The following SLC9B1 variants were observed in gnomAD, a reference collection of about 807,000 sequenced individuals.
SLC9B1 encodes the protein sodium/hydrogen exchanger 9B1.
Under a neutral mutation model 51.7 loss-of-function variants are expected in SLC9B1, and 32 were observed. That is an observed-to-expected ratio of 0.62 (90% CI 0.47 to 0.83). The LOEUF (loss-of-function observed/expected upper bound fraction) is 0.83. Among genes scored for constraint, SLC9B1 ranks in the 40% least tolerant of loss-of-function variants. SLC9B1 has a pLI of 0.00. For synonymous variants in SLC9B1, 145 were observed against 212.7 expected, an observed-to-expected ratio of 0.68 and a Z score of 2.77; for missense variants, 406 against 613.2, an observed-to-expected ratio of 0.66 and a Z score of 3.57.
chr4:103,002,200 C>A (rs921307337), intron 1 of SLC9B1, among the ~76,000 whole-genome samples: 27 of 152,156 alleles, frequency 1.8e-4, no homozygotes, highest in African/African-American at 6.5e-4. Context: ...AGGCCCAAAC[C>A]ATATCAGGCA....
intron 3 of SLC9B1, among the ~76,000 whole-genome samples, chr4:102,974,993 G>C (rs1179045904): frequency 6.6e-6 from 1 of 152,034 alleles, no homozygotes; most frequent in African/African-American, 2.4e-5. Flanking sequence ...TGCCCAAGCA[G>C]CTTTTATTTT....
chr4:102,905,721 G>A lies in SLC9B1; in HGVS notation c.1196-71C>T, dbSNP rs749553972. On this transcript the variant is annotated intron_variant, in intron 10 of 11. Coordinates refer to ENST00000296422, the MANE Select transcript of SLC9B1 (RefSeq NM_139173.4). ...AAGTGTTCTTCATGCCCAGGAATAT[G>A]ATTTCTAAAACTTTTGAAAACATTT... The A allele has an allele frequency of 3.4e-6, 5 of 1,466,336 alleles. No homozygotes were observed. The South Asian group carries it at 6.1e-5, about 18-fold the overall frequency. The allele number at this position is 1,466,336 out of a possible 1,614,324, so 90.8% of individuals were successfully genotyped here.
At chr4:102,943,423 T>C (rs1378194420) in intron 6 of SLC9B1, among the ~76,000 whole-genome samples, 3 of 151,988 alleles carry the variant, frequency 2.0e-5, no homozygotes, top group Non-Finnish European at 4.4e-5. Context: ...AATACGGAAC[T>C]AGCTCAAATG....
At chr4:102,978,737 A>G (rs993010364) in intron 3 of SLC9B1, among the ~76,000 whole-genome samples, 14 of 152,242 alleles carry the variant, frequency 9.2e-5, no homozygotes, top group African/African-American at 2.7e-4. Context: ...TAGTTCAACC[A>G]TTATGGAAGT....
In SLC9B1 at chr4:102,986,497, C is replaced by A. The variant is rs140023975; in HGVS notation, c.211+3303G>T. On this transcript the variant is annotated intron_variant, in intron 3 of 11. Transcript: ENST00000296422. ...TTGGTCTTTTCTGGGCTTCCAGAATCTGTGACTTGGTGCTTGACATTCATT... is the reference window on the plus strand; with the variant it reads ...TTGGTCTTTTCTGGGCTTCCAGAATATGTGACTTGGTGCTTGACATTCATT... 2.7e-3 allele frequency among the ~76,000 whole-genome samples: 418 copies of A among 152,248 alleles called. 6 individuals are homozygous for A. Among genetic ancestry groups the A allele is most frequent in the Middle Eastern group, 3.4e-3 (1 of 294 alleles).
chr4:102,955,690 G>T (rs1737749191), intron 3 of SLC9B1, among the ~76,000 whole-genome samples: 1 of 151,606 alleles, frequency 6.6e-6, no homozygotes, highest in African/African-American at 2.4e-5. Context: ...AGATCCTGAG[G>T]GTCAATAGGT....
At chr4:103,019,215 C>T (rs1308684246) in intron 1 of SLC9B1, among the ~76,000 whole-genome samples, 1 of 152,080 alleles carries the variant, frequency 6.6e-6, no homozygotes, top group Non-Finnish European at 1.5e-5. Context: ...AATCTCCAGT[C>T]GCAGGAGCAT....
downstream of SLC9B1, chr4:102,898,336 T>C: frequency 3.5e-6 from 1 of 286,276 alleles, no homozygotes; most frequent in South Asian, 3.5e-5. Flanking sequence ...ATTTGTAAAG[T>C]ATAAAATAAA....
intron 10 of SLC9B1, chr4:102,906,269 G>T (rs112319305): frequency 5.0e-6 from 1 of 199,592 alleles, no homozygotes; most frequent in Admixed American, 5.7e-5. Context: ...AGCGCTGATC[G>T]TATCAAATAT....
Position 103,019,627 on chromosome 4 carries a change from C to G in SLC9B1, c.-30G>C. ...CAACTTCTTTCGCAGCCCTCGCTGG[C>G]CCGGGAGCGGCCCAGGAGCCCAGTG... On this transcript the variant is annotated 5_prime_UTR_variant, in exon 1 of 12. Transcript: ENST00000296422. 4 of 985,512 alleles carry G rather than the reference C, an allele frequency of 4.1e-6. No homozygotes were observed. The highest frequency in any genetic ancestry group is 4.8e-6 in the Non-Finnish European group (4 of 829,976). 61.0% of individuals were successfully genotyped at this position (985,512 alleles called of 1,614,324 possible).
intron 7 of SLC9B1, among the ~76,000 whole-genome samples, chr4:102,931,851 C>T (rs903645752): frequency 1.1e-4 from 16 of 152,112 alleles, no homozygotes; most frequent in African/African-American, 3.6e-4. Flanking sequence ...TGATAAAATT[C>T]CAAAGCAATA....
At chr4:102,974,933 A>C (rs554082787) in intron 3 of SLC9B1, among the ~76,000 whole-genome samples, 1 of 152,360 alleles carries the variant, frequency 6.6e-6, no homozygotes, top group East Asian at 1.9e-4. Context: ...TTCTAAAAAA[A>C]TTCTGGACCC....
chr4:102,987,856 ACTC>A (rs1254607117), intron 3 of SLC9B1, among the ~76,000 whole-genome samples: 3 of 151,586 alleles, frequency 2.0e-5, no homozygotes, highest in Non-Finnish European at 4.4e-5. Flanking sequence ...CTGTCTAATC[ACTC>A]CTATTTTTTG....
chr4:102,887,296 A>T, intron 11 of SLC9B1: 1 of 1,112,720 alleles, frequency 9.0e-7, no homozygotes, highest in Non-Finnish European at 1.4e-6. Context: ...CTACCTAATG[A>T]ATCATATTTT....
chr4:102,903,057 C>G (rs1366052953), intron 11 of SLC9B1, among the ~76,000 whole-genome samples: 2 of 151,906 alleles, frequency 1.3e-5, no homozygotes, highest in Non-Finnish European at 2.9e-5. Flanking sequence ...TTTTTTATGT[C>G]TTGCCAGTTC....
intron 1 of SLC9B1, among the ~76,000 whole-genome samples, chr4:102,992,198 T>A (rs1739976227): frequency 6.6e-6 from 1 of 152,132 alleles, no homozygotes; most frequent in Non-Finnish European, 1.5e-5. Context: ...GATCTGTAGG[T>A]CCAACATTTA....
intron 1 of SLC9B1, among the ~76,000 whole-genome samples, chr4:103,002,294 A>G (rs542492864): frequency 6.6e-6 from 1 of 152,382 alleles, no homozygotes; most frequent in Non-Finnish European, 1.5e-5. Flanking sequence ...CTTCAATGTT[A>G]CATAACTATA....
At position 102,946,714 on chromosome 4, in the gene SLC9B1, G is replaced by C; in HGVS notation, c.458C>G (p.Ser153Cys). The change falls in exon 5 of 12, where the codon TCT becomes TGT. Residue 153 changes from serine (S) to cysteine (C), a missense_variant. By Grantham distance (112) the Ser-to-Cys change is moderately radical. Transcript: ENST00000296422. ...AAGGGCAATGCTTCTTAAAATTGAA[G>C]ACCATGTGTTAGGAACATGGACATG... Reference protein sequence around the residue: ...NEHVHVPNTWSSILRSIALTI... With the variant: ...NEHVHVPNTWCSILRSIALTI... The C allele has an allele frequency of 1.2e-6, 2 of 1,610,218 alleles. No homozygotes were observed. The highest frequency in any genetic ancestry group is 1.7e-6 in the Non-Finnish European group (2 of 1,179,222).
intron 6 of SLC9B1, among the ~76,000 whole-genome samples, chr4:102,934,113 A>G (rs1736597430): frequency 6.6e-6 from 1 of 152,246 alleles, no homozygotes; most frequent in Non-Finnish European, 1.5e-5. Context: ...CCCCAAATAA[A>G]TTAATCAGAG....
Sources: gnomAD v4.1 joint callset for allele counts (sites outside exome capture counted in the v4.1 genomes callset) on GRCh38, gnomAD v4.1.1 for gene constraint, MANE v1.5 for transcripts, NCBI Gene and HGNC (gene_info 2026-07-23, HGNC 2026-07-21) for gene names.